The following PYGM variants were observed in gnomAD, a reference collection of about 807,000 sequenced individuals.
The protein encoded by PYGM is glycogen phosphorylase, muscle form.
A neutral mutation model predicts 99.3 loss-of-function variants in PYGM; 81 were observed. That is an observed-to-expected ratio of 0.82 (90% CI 0.68 to 0.98). The LOEUF (loss-of-function observed/expected upper bound fraction) is 0.98, where lower values mean the gene tolerates loss of function less well. Among genes scored for constraint, PYGM ranks in the 50% least tolerant of loss-of-function variants. The pLI is 0.00. For missense variants in PYGM, 1,030 were observed against 1,158.1 expected, an observed-to-expected ratio of 0.89 and a Z score of 1.61; for synonymous variants, 436 against 451.5, an observed-to-expected ratio of 0.97 and a Z score of 0.44.
rs773709198 is a variant in PYGM, at chr11:64,753,841, C to T, written c.1239+38G>A. The T allele has an allele frequency of 3.2e-6, 5 of 1,551,296 alleles. No homozygotes were observed. The African/African-American group carries it at 5.5e-5, about 17-fold the overall frequency. On this transcript the variant is annotated intron_variant, in intron 10 of 19. Transcript: ENST00000164139. ...TCCCAGGCCCAGACTGGGTGTCCCC[C>T]CTCACCCCCACACCATCCCCCAAGC...
intron 18 of PYGM, 90 bp downstream of exon 18, chr11:64,747,134 C>G: frequency 6.3e-7 from 1 of 1,582,844 alleles, no homozygotes; most frequent in South Asian, 1.1e-5. Context: ...CTCCAACTAC[C>G]AGGACCCGCG....
intron 17 of PYGM, among the ~76,000 whole-genome samples, chr11:64,749,583 A>T (rs1488978707): frequency 6.8e-6 from 1 of 146,932 alleles, no homozygotes; most frequent in Non-Finnish European, 1.5e-5. Context: ...CGGAGCTTGC[A>T]GTGAGCCAAG....
At chr11:64,753,238 G>A in intron 11 of PYGM, 51 bp from the exon 12 acceptor site, 1 of 1,519,136 alleles carries the variant, frequency 6.6e-7, no homozygotes, top group East Asian at 2.3e-5. Flanking sequence ...TACAATGAAG[G>A]CCTCTGCCCT....
Position 64,750,327 on chromosome 11 carries a change from C to T in PYGM, c.2177+49G>A, listed in dbSNP as rs201429392. On this transcript the variant is annotated intron_variant, in intron 17 of 19. Transcript: ENST00000164139. ...GCCGCTTGCTCCCAGCACCACTCTC[C>T]AGCAGCCACACCTGGGTGTCTTTTG... is the stretch of plus-strand genomic sequence containing the variant. The T allele has an allele frequency of 1.8e-4, 287 of 1,606,716 alleles. 2 individuals carry two copies. In the East Asian group the frequency reaches 4.1e-3, roughly 23 times the overall value.
rs1212333772 is a variant in PYGM, at chr11:64,753,684, T to C, written c.1240-2A>G. On this transcript the variant is annotated splice_acceptor_variant, in intron 10 of 19. Coordinates refer to ENST00000164139, the MANE Select transcript of PYGM (RefSeq NM_005609.4). LOFTEE classifies it high-confidence loss of function. ...CCCTGGGAATGCGGCCGCCACCCGCTGTGCCCAGAGAGCCCAGAGCTAGAA... is the reference window on the plus strand; with the variant it reads ...CCCTGGGAATGCGGCCGCCACCCGCCGTGCCCAGAGAGCCCAGAGCTAGAA... 2.5e-6 allele frequency: 4 copies of C among 1,605,978 alleles called. No homozygotes were observed. The highest frequency in any genetic ancestry group is 1.7e-5 in the Admixed American group (1 of 59,642).
Position 64,754,970 on chromosome 11 carries a change from G to T in PYGM, c.856-134C>A. ...GAGCCGGCCCCCTCTCTGGGACCCA[G>T]GGGCCTTTCCTCCACCAAGAACTAG... On this transcript the variant is annotated intron_variant, in intron 7 of 19. Transcript: ENST00000164139. The surrounding 1 kb of genome is among the most constrained non-coding windows in gnomAD (Gnocchi z 5.5). 3 of 1,281,384 alleles carry T rather than the reference G, an allele frequency of 2.3e-6. No individual in the cohort carries two copies. The South Asian group carries it at 4.2e-5, about 18-fold the overall frequency. 79.4% of individuals were successfully genotyped at this position (1,281,384 alleles called of 1,614,324 possible). A position where few individuals can be genotyped will look rare whatever the true frequency, so the allele number is the denominator to read the frequency against.
chr11:64,754,365 C>G lies in PYGM; in HGVS notation c.1000-20G>C. 1 of 1,569,404 alleles carries G rather than the reference C, an allele frequency of 6.4e-7. No homozygotes were observed. The highest frequency in any genetic ancestry group is 1.1e-5 in the South Asian group (1 of 90,096). ...GGCCACCTGGGGTAGGGGGAGGGGT[C>G]AGTCTGGGCTCCAAACCACATTCCA... On this transcript the variant is annotated intron_variant, in intron 8 of 19. Transcript: ENST00000164139. This position sits in a 1 kb window ranked among gnomAD's most constrained non-coding sequence, Gnocchi z 5.5.
Position 64,750,370 on chromosome 11 carries a change from C to T in PYGM, c.2177+6G>A, listed in dbSNP as rs1206089915. The T allele has an allele frequency of 6.2e-7, 1 of 1,614,108 alleles. No homozygotes were observed. Among genetic ancestry groups the T allele is most frequent in the Non-Finnish European group, 8.5e-7 (1 of 1,180,008 alleles). On this transcript the variant is annotated splice_donor_region_variant and intron_variant, in intron 17 of 19. Transcript: ENST00000164139. ...GTCTTTTGCCCGTGAACCCTGACCCCCATACCCTCTTTGGTCAAGCTTATC... is the reference window on the plus strand; with the variant it reads ...GTCTTTTGCCCGTGAACCCTGACCCTCATACCCTCTTTGGTCAAGCTTATC...
chr11:64,751,394 C>G lies in PYGM; in HGVS notation c.1900G>C (p.Asp634His), dbSNP rs1399909644. 1 of 1,614,158 alleles carries G rather than the reference C, an allele frequency of 6.2e-7. No homozygotes were observed. The highest frequency in any genetic ancestry group is 1.1e-5 in the South Asian group (1 of 91,084). ...CGGAGGCGGTCACCCACTGCCGGGT[C>G]ATGGTTGACCACATCCCCGATGGCT... is the stretch of plus-strand genomic sequence containing the variant. ...VTAIGDVVNHDPAVGDRLRVI... is the reference protein window; with the variant it reads ...VTAIGDVVNHHPAVGDRLRVI... Residue 634 changes from aspartate (D) to histidine (H), a missense_variant, in exon 16 of 20, where the codon GAC (aspartate) becomes CAC (histidine). By Grantham distance (81) the Asp-to-His change is moderately conservative (BLOSUM62 -1). Coordinates refer to ENST00000164139, the MANE Select transcript of PYGM (RefSeq NM_005609.4).
chr11:64,759,664 CCTT>C lies in PYGM; in HGVS notation c.232_234del (p.Lys78del). 6.2e-7 allele frequency: 1 copy of C among 1,613,836 alleles called. No individual in the cohort carries two copies. The highest frequency in any genetic ancestry group is 8.5e-7 in the Non-Finnish European group (1 of 1,179,904). ...AGGCTCCCCAGCAGCACCTTGGGGT[CCTT>C]CTCATAGTAGTGCTGCTGCGTGCGG... On this transcript the variant is annotated inframe_deletion, in exon 1 of 20. Transcript: ENST00000164139.
In PYGM at chr11:64,758,522, G is replaced by A. The variant is rs1266219740; in HGVS notation, c.346-7C>T. ...CCTCCATGTCCAGGCCCAGCTGGAG[G>A]AGTGAGGGTGACAGTGGTCAGGGTC... On this transcript the variant is annotated splice_polypyrimidine_tract_variant and splice_region_variant and intron_variant, in intron 2 of 19. Transcript: ENST00000164139. 2 of 1,614,082 alleles carry A rather than the reference G, an allele frequency of 1.2e-6. No individual in the cohort carries two copies. Among genetic ancestry groups the A allele is most frequent in the South Asian group, 1.1e-5 (1 of 91,078 alleles).
chr11:64,751,486 G>T lies in PYGM; in HGVS notation c.1828-20C>A. 6.2e-7 allele frequency: 1 copy of T among 1,614,094 alleles called. No individual in the cohort carries two copies. The highest frequency in any genetic ancestry group is 8.5e-7 in the Non-Finnish European group (1 of 1,180,034). On this transcript the variant is annotated intron_variant, in intron 15 of 19. Coordinates refer to ENST00000164139, the MANE Select transcript of PYGM (RefSeq NM_005609.4). ...TGCAGCCTGAGGGGACAAAGTCTGG[G>T]GTCAGCTCTACTGCCTGGCCCCCCA...
chr11:64,747,292 A>G lies in PYGM; in HGVS notation c.2244T>C (p.Ser748=), dbSNP rs746364616. ...ELRQVIEQLS[S]GFFSPKQPDL... The stretch of plus-strand genomic sequence containing the variant: ...CGGGCTGTTTGGGGGAGAAGAAGCC[A>G]CTGCTCAGCTGCTCAATGACCTGCC... Residue 748 remains serine, a synonymous_variant, in exon 18 of 20, where the codon AGT becomes AGC. Coordinates refer to ENST00000164139, the MANE Select transcript of PYGM (RefSeq NM_005609.4). 2 of 1,614,224 alleles carry G rather than the reference A, an allele frequency of 1.2e-6. No individual in the cohort carries two copies. Among genetic ancestry groups the G allele is most frequent in the East Asian group, 2.2e-5 (1 of 44,880 alleles).
At position 64,757,112 on chromosome 11, in the gene PYGM, G is replaced by A. The variant is rs191860532; in HGVS notation, c.660+667C>T. On this transcript the variant is annotated intron_variant, in intron 5 of 19. Coordinates refer to ENST00000164139, the MANE Select transcript of PYGM (RefSeq NM_005609.4). The stretch of plus-strand genomic sequence containing the variant: ...GCTAATTTTTGTATTTTTTGTAGAC[G>A]GGGTTTCGCCCTCTTGTCCAGGCTG... Among the ~76,000 whole-genome samples the A allele has an allele frequency of 7.9e-5, 12 of 152,092 alleles. No individual in the cohort carries two copies. The East Asian group carries it at 2.1e-3, about 27-fold the overall frequency.
chr11:64,758,770 AGCCAC>A lies in PYGM; in HGVS notation c.244-71_244-67del, dbSNP rs1250584495. ...CACACACCAACACTCAGCCAGGCCC[AGCCAC>A]GCCTGGACCTCTGGCCCGCCTGCCC... On this transcript the variant is annotated intron_variant, in intron 1 of 19. Coordinates refer to ENST00000164139, the MANE Select transcript of PYGM (RefSeq NM_005609.4). The A allele has an allele frequency of 3.5e-6, 5 of 1,411,266 alleles. No homozygotes were observed. In the African/African-American group the frequency reaches 5.7e-5, roughly 16 times the overall value. The allele number at this position is 1,411,266 out of a possible 1,614,324, so 87.4% of individuals were successfully genotyped here.
At position 64,746,564 on chromosome 11, in the gene PYGM, C is replaced by A; in HGVS notation, c.*95G>T. ...AGGGTTCCAGGAGGGGCTTAGAGATCTAACTCCAGTACCCCACCCTCTGCA... is the reference window on the plus strand; with the variant it reads ...AGGGTTCCAGGAGGGGCTTAGAGATATAACTCCAGTACCCCACCCTCTGCA... On this transcript the variant is annotated 3_prime_UTR_variant, in exon 20 of 20. Transcript: ENST00000164139. The A allele has an allele frequency of 6.5e-7, 1 of 1,537,762 alleles. No homozygotes were observed. Among genetic ancestry groups the A allele is most frequent in the Non-Finnish European group, 8.9e-7 (1 of 1,119,412 alleles).
At chr11:64,758,896 T>C (rs908377220) in intron 1 of PYGM, among the ~76,000 whole-genome samples, 192 bp from the exon 2 acceptor site, 2 of 149,042 alleles carry the variant, frequency 1.3e-5, no homozygotes, top group Non-Finnish European at 3.0e-5. Context: ...TTCCTCTGAC[T>C]TTGGACAAAT....
intron 12 of PYGM, 151 bp downstream of exon 12, chr11:64,752,922 C>T (rs753369263): frequency 1.3e-4 from 110 of 827,236 alleles, no homozygotes; most frequent in Non-Finnish European, 2.0e-4. Flanking sequence ...GTCCCTCCTC[C>T]AGGTGGATGC....
At chr11:64,751,301 A>C in intron 16 of PYGM, 24 bp downstream of exon 16, 2 of 1,613,754 alleles carry the variant, frequency 1.2e-6, no homozygotes, top group Non-Finnish European at 1.7e-6. Flanking sequence ...GAGCCTCCCT[A>C]GGGTCCCTGT....
Sources: gnomAD v4.1 joint callset for allele counts (sites outside exome capture counted in the v4.1 genomes callset) on GRCh38, gnomAD v4.1.1 for gene constraint, Gnocchi (gnomAD v3.1) non-coding constraint, MANE v1.5 for transcripts, NCBI Gene and HGNC (gene_info 2026-07-23, HGNC 2026-07-21) for gene names.